Variants in PLA2G6 observed in about 807,000 individuals in gnomAD.
PLA2G6 encodes the protein phospholipase A2 group VI.
PLA2G6 carries 62 observed loss-of-function variants against 83.8 expected under a neutral mutation model. The observed-to-expected ratio is 0.74, with a 90% confidence interval of 0.60 to 0.91. PLA2G6 has a LOEUF of 0.91. PLA2G6 is among the 40% of genes least tolerant of loss of function. PLA2G6 has a pLI of 0.00. For missense variants in PLA2G6, 944 were observed against 1,102.0 expected (o/e 0.86, Z 2.03); for synonymous variants, 417 against 449.8 (o/e 0.93, Z 0.92).
At chr22:38,172,615 C>T (rs1469357399) in intron 1 of PLA2G6, among the ~76,000 whole-genome samples, 3 of 152,178 alleles carry the variant, frequency 2.0e-5, no homozygotes, top group African/African-American at 4.8e-5. Context: ...GGGCTGCAGC[C>T]GGGAAGATGG....
chr22:38,113,858 G>T (rs913805261), intron 14 of PLA2G6: 1 of 682,614 alleles, frequency 1.5e-6, no homozygotes, highest in African/African-American at 1.8e-5. Flanking sequence ...GGCATCACAT[G>T]CCATCTGCTC....
Position 38,140,175 on chromosome 22 carries a change from G to T in PLA2G6, c.610-6C>A. ...ACTGCGTTCCTTCCAAGGAGCTGATGAAAGAGGAAGGGAAGTTTGACTCCA... is the reference window on the plus strand; with the variant it reads ...ACTGCGTTCCTTCCAAGGAGCTGATTAAAGAGGAAGGGAAGTTTGACTCCA... On this transcript the variant is annotated splice_region_variant and splice_polypyrimidine_tract_variant and intron_variant, in intron 4 of 16. Coordinates refer to ENST00000332509, the MANE Select transcript of PLA2G6 (RefSeq NM_003560.4). The T allele has an allele frequency of 1.2e-6, 2 of 1,613,788 alleles. No homozygotes were observed. The highest frequency in any genetic ancestry group is 1.7e-6 in the Non-Finnish European group (2 of 1,179,802).
chr22:38,168,872 A>G (rs2090327036), intron 2 of PLA2G6, among the ~76,000 whole-genome samples: 1 of 151,796 alleles, frequency 6.6e-6, no homozygotes, highest in South Asian at 2.1e-4. Flanking sequence ...AAAACCAAAA[A>G]TAAAGAGCCA....
chr22:38,174,259 G>C (rs376212883), intron 1 of PLA2G6, among the ~76,000 whole-genome samples: 2 of 151,700 alleles, frequency 1.3e-5, no homozygotes, highest in South Asian at 2.1e-4. Flanking sequence ...TTAGCTGGGC[G>C]TGGTGGCGGG....
At chr22:38,151,292 G>A (rs894525102) in intron 2 of PLA2G6, among the ~76,000 whole-genome samples, 2 of 150,168 alleles carry the variant, frequency 1.3e-5, no homozygotes, top group Admixed American at 6.7e-5. Flanking sequence ...TGTCACCCAC[G>A]CTGGAGTGCA....
At chr22:38,145,157 T>C in intron 3 of PLA2G6, 1 of 404,506 alleles carries the variant, frequency 2.5e-6, no homozygotes, top group South Asian at 2.1e-5. Flanking sequence ...TCCTCCTGCC[T>C]CAGCATCCCA....
chr22:38,143,746 T>C (rs956590931), intron 3 of PLA2G6: 1 of 298,832 alleles, frequency 3.3e-6, no homozygotes, highest in South Asian at 3.2e-5. Context: ...GGTTTTTGTT[T>C]TGTTTTGTTT....
intron 11 of PLA2G6, among the ~76,000 whole-genome samples, chr22:38,121,664 G>A (rs561555469): frequency 1.9e-4 from 29 of 152,294 alleles, no homozygotes; most frequent in South Asian, 1.7e-3. Flanking sequence ...TGCCCACACC[G>A]GAGGATCAGC....
At position 38,123,163 on chromosome 22, in the gene PLA2G6, G is replaced by A. The variant is rs1365584438; in HGVS notation, c.1523C>T (p.Thr508Ile). The A allele has an allele frequency of 2.6e-6, 4 of 1,550,846 alleles. No homozygotes were observed. The highest frequency in any genetic ancestry group is 3.5e-6 in the Non-Finnish European group (4 of 1,147,488). ...CGCCACCCAGTCAAACAGGTCCTTG[G>A]TGGCCACACCCGAGGCCTTCTCGAT... is the stretch of plus-strand genomic sequence containing the variant. ...IAIEKASGVATKDLFDWVAGT... is the reference protein window; with the variant it reads ...IAIEKASGVAIKDLFDWVAGT... Residue 508 changes from threonine to isoleucine, a missense_variant, in exon 11 of 17, where the codon ACC (threonine) becomes ATC (isoleucine). By Grantham distance (89) the Thr-to-Ile change is moderately conservative. Coordinates refer to ENST00000332509, the MANE Select transcript of PLA2G6 (RefSeq NM_003560.4). The surrounding 1 kb of genome is among the most constrained non-coding windows in gnomAD (Gnocchi z 4.1).
intron 7 of PLA2G6, chr22:38,130,245 C>T: frequency 6.0e-6 from 1 of 165,886 alleles, no homozygotes; most frequent in Non-Finnish European, 1.3e-5. Context: ...TCTTCACATT[C>T]TATTAGGACT....
At chr22:38,137,933 G>A (rs766531367) in intron 5 of PLA2G6, 1 of 152,288 alleles carries the variant, frequency 6.6e-6, no homozygotes. Context: ...GAGGCCGTGG[G>A]ATTCTTGGAG....
rs1471912664 is a variant in PLA2G6 at position 38,115,637 on chromosome 22, T to C, written c.1924A>G (p.Thr642Ala). Residue 642 changes from threonine (T) to alanine (A), a missense_variant, in exon 14 of 17, where the codon ACT becomes GCT. Transcript: ENST00000332509. ...AAGCGCCCATTGGGTCGGAAGTAAGTAGGAGCTGCCCCGCTGCTTCGGGCC... is the reference window on the plus strand; with the variant it reads ...AAGCGCCCATTGGGTCGGAAGTAAGCAGGAGCTGCCCCGCTGCTTCGGGCC... Reference protein sequence around the residue: ...RAARSSGAAPTYFRPNGRFLD... With the variant: ...RAARSSGAAPAYFRPNGRFLD... 8 of 1,600,008 alleles carry C rather than the reference T, an allele frequency of 5.0e-6. No individual in the cohort carries two copies. The highest frequency in any genetic ancestry group is 1.3e-5 in the African/African-American group (1 of 74,642).
At chr22:38,115,313 A>G (rs2087123241) in intron 14 of PLA2G6, among the ~76,000 whole-genome samples, 2 of 152,250 alleles carry the variant, frequency 1.3e-5, no homozygotes, top group South Asian at 4.1e-4. Flanking sequence ...CTTAGAGCAC[A>G]GTGGTCCTCA....
chr22:38,122,019 C>T (rs1013177309), intron 11 of PLA2G6, among the ~76,000 whole-genome samples: 11 of 152,136 alleles, frequency 7.2e-5, no homozygotes, highest in African/African-American at 2.2e-4. Context: ...GTCAATAAAC[C>T]GCCGTGGACA....
Position 38,128,863 on chromosome 22 carries a change from G to A in PLA2G6, c.1187-433C>T, listed in dbSNP as rs937098934. Among the ~76,000 whole-genome samples, 18 of 152,240 alleles carry A rather than the reference G, an allele frequency of 1.2e-4. No homozygotes were observed. The highest frequency in any genetic ancestry group is 2.1e-4 in the Non-Finnish European group (14 of 68,044). ...CTGAAAAGGAGGTCATAGATGCGGT[G>A]CATGCAGACACACACGTGTGCACTG... On this transcript the variant is annotated intron_variant, in intron 8 of 16. Transcript: ENST00000332509. The surrounding 1 kb of genome is among the most constrained non-coding windows in gnomAD (Gnocchi z 4.4).
chr22:38,172,708 G>T (rs738320), intron 1 of PLA2G6, among the ~76,000 whole-genome samples: 77,428 of 152,098 alleles, frequency 0.51, 20,253 homozygotes, highest in South Asian at 0.64. Context: ...GGAGGGGTGC[G>T]CCCAGGAAGG....
intron 12 of PLA2G6, among the ~76,000 whole-genome samples, chr22:38,117,142 A>T (rs1376021936): frequency 7.9e-5 from 12 of 152,152 alleles, no homozygotes; most frequent in Non-Finnish European, 1.3e-4. Flanking sequence ...AAAAATAAAA[A>T]GAGGAAATAT....
intron 2 of PLA2G6, among the ~76,000 whole-genome samples, chr22:38,161,862 C>A (rs1334716920): frequency 1.3e-5 from 2 of 152,072 alleles, no homozygotes; most frequent in African/African-American, 2.4e-5. Flanking sequence ...TGCAGAAAGA[C>A]GTCAAACCAC....
intron 1 of PLA2G6, among the ~76,000 whole-genome samples, chr22:38,181,075 C>T (rs2090827932): frequency 1.3e-5 from 2 of 152,118 alleles, no homozygotes; most frequent in African/African-American, 2.4e-5. Flanking sequence ...CTGTCCCACA[C>T]CCACAGGCTT....
Sources: allele counts gnomAD v4.1 joint callset (sites outside exome capture counted in the v4.1 genomes callset), GRCh38; gene constraint gnomAD v4.1.1; non-coding constraint Gnocchi (gnomAD v3.1); transcripts MANE v1.5; gene names NCBI Gene and HGNC (gene_info 2026-07-23, HGNC 2026-07-21).